CNTN5: variants seen among roughly 807,000 people sequenced by gnomAD.
CNTN5 encodes the protein contactin 5, also known as contactin-5.
A neutral mutation model predicts 129.1 loss-of-function variants in CNTN5; 77 were observed. The ratio of observed to expected loss-of-function variants is 0.60; its 90% CI spans 0.50 to 0.72. CNTN5 has a LOEUF of 0.72. Ranked by LOEUF, CNTN5 falls within the 30% of genes least tolerant of loss-of-function variation. CNTN5 has a pLI of 0.00. For synonymous variants in CNTN5, 509 were observed against 465.6 expected (o/e 1.09, Z -1.20); for missense variants, 1,478 against 1,328.8 (o/e 1.11, Z -1.75).
intron 13 of CNTN5, among the ~76,000 whole-genome samples, chr11:100,115,251 T>C (rs1269907795): frequency 6.6e-6 from 1 of 152,082 alleles, no homozygotes; most frequent in African/African-American, 2.4e-5. Flanking sequence ...GTTCCTACTA[T>C]GCTTTTCCTA....
chr11:99,937,561 A>T (rs1565697132), intron 7 of CNTN5, among the ~76,000 whole-genome samples: 1 of 152,174 alleles, frequency 6.6e-6, no homozygotes, highest in Non-Finnish European at 1.5e-5. Flanking sequence ...GGTTCAGGTT[A>T]TGTCAACAAG....
At chr11:99,880,756 G>A (rs1217691405) in intron 6 of CNTN5, among the ~76,000 whole-genome samples, 2 of 152,060 alleles carry the variant, frequency 1.3e-5, no homozygotes, top group East Asian at 3.9e-4. Flanking sequence ...GAATTTCAAG[G>A]ATATTATTAT....
chr11:100,046,123 T>C (rs1441929621), intron 9 of CNTN5, among the ~76,000 whole-genome samples: 1 of 115,802 alleles, frequency 8.6e-6, no homozygotes, highest in African/African-American at 3.3e-5. Context: ...AACATCACAC[T>C]CTGGGGACTG....
At chr11:100,011,757 T>G (rs1940547424) in intron 9 of CNTN5, among the ~76,000 whole-genome samples, 1 of 152,148 alleles carries the variant, frequency 6.6e-6, no homozygotes, top group Admixed American at 6.6e-5. Flanking sequence ...TTACTGTAAA[T>G]AAAAAGCCAC....
At chr11:99,685,424 T>A (rs568602405) in intron 3 of CNTN5, among the ~76,000 whole-genome samples, 4 of 151,946 alleles carry the variant, frequency 2.6e-5, no homozygotes, top group Non-Finnish European at 5.9e-5. Context: ...TCTGATTTTC[T>A]TTCTATTTGC....
At chr11:99,306,068 A>G (rs954429166) in intron 1 of CNTN5, among the ~76,000 whole-genome samples, 18 of 152,158 alleles carry the variant, frequency 1.2e-4, no homozygotes, top group Middle Eastern at 3.2e-3. Context: ...AATTTCATAC[A>G]ATTTCTTGAA....
chr11:99,668,632 A>C (rs1327345940), intron 3 of CNTN5, among the ~76,000 whole-genome samples: 4 of 152,174 alleles, frequency 2.6e-5, no homozygotes, highest in African/African-American at 4.8e-5. Flanking sequence ...GACGGTTTTC[A>C]TATAACCATT....
intron 2 of CNTN5, among the ~76,000 whole-genome samples, chr11:99,327,518 A>C (rs1183019996): frequency 6.6e-6 from 1 of 152,184 alleles, no homozygotes; most frequent in Non-Finnish European, 1.5e-5. Context: ...GGCAGAGCAA[A>C]GTGCACTCTT....
At chr11:99,788,278 T>G (rs531651287) in intron 3 of CNTN5, among the ~76,000 whole-genome samples, 1 of 152,060 alleles carries the variant, frequency 6.6e-6, no homozygotes, top group Non-Finnish European at 1.5e-5. Flanking sequence ...TTGCCTCTTA[T>G]TATCATGAAT....
intron 2 of CNTN5, among the ~76,000 whole-genome samples, chr11:99,510,562 A>C (rs184751167): frequency 6.6e-6 from 1 of 152,332 alleles, no homozygotes; most frequent in Non-Finnish European, 1.5e-5. Context: ...ATGAGTATGC[A>C]TACAGTCATG....
intron 3 of CNTN5, among the ~76,000 whole-genome samples, chr11:99,789,739 A>G (rs1199968768): frequency 1.3e-5 from 2 of 152,056 alleles, no homozygotes; most frequent in African/African-American, 2.4e-5. Context: ...TAACCAAAAT[A>G]GAACATGATT....
intron 7 of CNTN5, among the ~76,000 whole-genome samples, chr11:99,935,255 T>C (rs1591445463): frequency 6.6e-6 from 1 of 151,868 alleles, no homozygotes; most frequent in African/African-American, 2.4e-5. Context: ...GAAAATGATA[T>C]GATTGACTGT....
intron 3 of CNTN5, among the ~76,000 whole-genome samples, chr11:99,574,945 T>C (rs1209485501): frequency 6.6e-6 from 1 of 152,176 alleles, no homozygotes; most frequent in Non-Finnish European, 1.5e-5. Flanking sequence ...TGAAAAATGG[T>C]ACATTTTTGG....
chr11:99,721,425 G>T (rs1310654408), intron 3 of CNTN5, among the ~76,000 whole-genome samples: 1 of 152,136 alleles, frequency 6.6e-6, no homozygotes. Context: ...TGACTGGCTA[G>T]CCATATGCAG....
At chr11:100,179,354 C>T (rs796660717) in intron 13 of CNTN5, among the ~76,000 whole-genome samples, 1 of 151,970 alleles carries the variant, frequency 6.6e-6, no homozygotes, top group South Asian at 2.1e-4. Context: ...AGGACAGAAG[C>T]AATCAGAGAT....
At chr11:99,598,841 A>G (rs1240238779) in intron 3 of CNTN5, among the ~76,000 whole-genome samples, 1 of 152,034 alleles carries the variant, frequency 6.6e-6, no homozygotes, top group African/African-American at 2.4e-5. Context: ...TGCAGGAAAA[A>G]CACCATTTTT....
chr11:99,295,567 G>GGAT (rs1387216060), intron 1 of CNTN5, among the ~76,000 whole-genome samples: 2 of 152,202 alleles, frequency 1.3e-5, no homozygotes, highest in Non-Finnish European at 2.9e-5. Flanking sequence ...CTTTAATCCA[G>GGAT]GATGTGGGTT....
intron 1 of CNTN5, among the ~76,000 whole-genome samples, chr11:99,153,115 G>A (rs373941006): frequency 3.3e-5 from 5 of 152,116 alleles, no homozygotes; most frequent in East Asian, 3.9e-4. Context: ...TGATGACTAT[G>A]TGTCTTGGGG....
intron 1 of CNTN5, among the ~76,000 whole-genome samples, chr11:99,241,600 A>G (rs1381663939): frequency 6.6e-6 from 1 of 151,970 alleles, no homozygotes; most frequent in African/African-American, 2.4e-5. Context: ...AGATTGATAG[A>G]TTTTTTTAAA....
Sources: allele counts gnomAD v4.1 joint callset (sites outside exome capture counted in the v4.1 genomes callset), GRCh38; gene constraint gnomAD v4.1.1; transcripts MANE v1.5; gene names NCBI Gene and HGNC (gene_info 2026-07-23, HGNC 2026-07-21).